Variants in CHN2 observed in about 807,000 individuals in gnomAD.
CHN2 encodes chimerin 2.
Under a neutral mutation model 56.3 loss-of-function variants are expected in CHN2, and 35 were observed. The observed-to-expected ratio is 0.62, with a 90% confidence interval of 0.47 to 0.82. The LOEUF (loss-of-function observed/expected upper bound fraction) is 0.82. Ranked by LOEUF, CHN2 falls within the 40% of genes least tolerant of loss-of-function variation. The pLI is 0.00. For missense variants in CHN2, 491 were observed against 580.5 expected (o/e 0.85, Z 1.58); for synonymous variants, 210 against 212.8 (o/e 0.99, Z 0.12).
chr7:29,510,678 A>G (rs1791207825), intron 12 of CHN2, among the ~76,000 whole-genome samples: 1 of 152,188 alleles, frequency 6.6e-6, no homozygotes, highest in African/African-American at 2.4e-5. Flanking sequence ...ACCCAATATG[A>G]GAGACAGTCT....
chr7:29,407,135 C>T (rs765153294), intron 6 of CHN2, among the ~76,000 whole-genome samples: 5 of 152,152 alleles, frequency 3.3e-5, no homozygotes, highest in African/African-American at 9.7e-5. Context: ...GCAGGGGAAT[C>T]GTGGAGACCA....
chr7:29,341,521 G>A (rs1797052238), intron 1 of CHN2, among the ~76,000 whole-genome samples: 1 of 151,960 alleles, frequency 6.6e-6, no homozygotes, highest in South Asian at 2.1e-4. Context: ...TGAAATCTGG[G>A]GAAGAGTTGC....
intron 7 of CHN2, among the ~76,000 whole-genome samples, chr7:29,486,809 T>C (rs62457799): frequency 0.21 from 31,357 of 152,040 alleles, 3,272 homozygotes; most frequent in East Asian, 0.27. Flanking sequence ...GCTAAGAATA[T>C]GTCCCCACGC....
chr7:29,297,588 G>A (rs964500239), intron 1 of CHN2, among the ~76,000 whole-genome samples: 1 of 152,144 alleles, frequency 6.6e-6, no homozygotes, highest in African/African-American at 2.4e-5. Flanking sequence ...TGGGGGGAGG[G>A]TAAGGACAGC....
intron 6 of CHN2, among the ~76,000 whole-genome samples, chr7:29,435,682 G>A (rs181761788): frequency 6.6e-6 from 1 of 152,222 alleles, no homozygotes; most frequent in East Asian, 1.9e-4. Flanking sequence ...GTCTGTCATT[G>A]ACCAGTCATT....
intron 12 of CHN2, among the ~76,000 whole-genome samples, chr7:29,511,821 A>T (rs1791461735): frequency 7.2e-6 from 1 of 138,266 alleles, no homozygotes; most frequent in African/African-American, 2.6e-5. Context: ...TGAAAACAAA[A>T]CTCTGGGAGA....
rs755985916 is a variant in CHN2 at position 29,507,251 on chromosome 7, G to C, written c.1015G>C (p.Ala339Pro). The C allele has an allele frequency of 2.5e-6, 4 of 1,608,994 alleles. No individual in the cohort carries two copies. In the African/African-American group the frequency reaches 4.0e-5, roughly 16 times the overall value. ...DRDGEKADIS[A>P]NVYPDINIIT... ...AGATGGTGAAAAGGCCGATATATCT[G>C]CCAATGTCTATCCAGACATAAACAT... Residue 339 changes from alanine (A) to proline (P), a missense_variant, in exon 11 of 13, where the codon GCC becomes CCC. By Grantham distance (27) the Ala-to-Pro change is conservative. Coordinates refer to ENST00000222792, the MANE Select transcript of CHN2 (RefSeq NM_004067.4).
intron 6 of CHN2, among the ~76,000 whole-genome samples, chr7:29,457,926 T>C (rs757995185): frequency 6.6e-6 from 1 of 152,226 alleles, no homozygotes; most frequent in Non-Finnish European, 1.5e-5. Context: ...CTCAGTGGCC[T>C]CTGTTTATGA....
intron 5 of CHN2, chr7:29,400,217 G>C: frequency 5.6e-6 from 2 of 360,142 alleles, no homozygotes; most frequent in Admixed American, 4.5e-5. Context: ...GAAGGATACT[G>C]ACAATGACCT....
chr7:29,276,992 A>G (rs1791278292), intron 1 of CHN2, among the ~76,000 whole-genome samples: 1 of 152,208 alleles, frequency 6.6e-6, no homozygotes, highest in Non-Finnish European at 1.5e-5. Context: ...CAGCTGATGA[A>G]GGTTGTGGCT....
chr7:29,179,891 CA>C (rs1263370156), intron 2 of CHN2, among the ~76,000 whole-genome samples: 1 of 152,054 alleles, frequency 6.6e-6, no homozygotes, highest in Non-Finnish European at 1.5e-5. Context: ...GTATTACAAA[CA>C]AAAAATCTGG....
At chr7:29,222,693 A>T (rs746754291) in intron 1 of CHN2, among the ~76,000 whole-genome samples, 3 of 152,220 alleles carry the variant, frequency 2.0e-5, no homozygotes, top group Non-Finnish European at 4.4e-5. Context: ...TGATTAATAG[A>T]TTCAATGCAA....
chr7:29,270,217 G>A (rs558387651), intron 1 of CHN2, among the ~76,000 whole-genome samples: 33 of 152,160 alleles, frequency 2.2e-4, no homozygotes, highest in African/African-American at 6.0e-4. Context: ...AACCTTGCTC[G>A]CTGGTAGTCT....
intron 12 of CHN2, among the ~76,000 whole-genome samples, chr7:29,510,390 G>A (rs571851225): frequency 6.6e-6 from 1 of 152,214 alleles, no homozygotes; most frequent in South Asian, 2.1e-4. Flanking sequence ...AGTGAGCGAA[G>A]ATGGCACCAC....
chr7:29,337,890 C>T (rs917257673), intron 1 of CHN2, among the ~76,000 whole-genome samples: 6 of 151,972 alleles, frequency 3.9e-5, no homozygotes, highest in Admixed American at 2.6e-4. Flanking sequence ...AAATATTTTC[C>T]CTGAAGTTAT....
At chr7:29,437,506 G>C (rs1783320987) in intron 6 of CHN2, among the ~76,000 whole-genome samples, 1 of 101,138 alleles carries the variant, frequency 9.9e-6, no homozygotes, top group Non-Finnish European at 2.0e-5. Flanking sequence ...GCTGAGGCAG[G>C]AGAATGGCAT....
At chr7:29,236,810 C>T (rs1305924851) in intron 1 of CHN2, among the ~76,000 whole-genome samples, 2 of 152,156 alleles carry the variant, frequency 1.3e-5, no homozygotes, top group Admixed American at 1.3e-4. Context: ...TGACCATATT[C>T]CTTGGCTCAT....
chr7:29,252,312 CCGAGTAG>C (rs1189679795), intron 1 of CHN2, among the ~76,000 whole-genome samples: 1 of 151,254 alleles, frequency 6.6e-6, no homozygotes, highest in East Asian at 2.0e-4. Flanking sequence ...CCTCAGCCTC[CCGAGTAG>C]CTGGGACTAC....
intron 6 of CHN2, among the ~76,000 whole-genome samples, chr7:29,412,977 A>G (rs916274776): frequency 1.3e-5 from 2 of 152,202 alleles, no homozygotes; most frequent in African/African-American, 4.8e-5. Flanking sequence ...GTTAATGGAA[A>G]TGAAACTGTC....
Sources: gnomAD v4.1 joint callset for allele counts (sites outside exome capture counted in the v4.1 genomes callset) on GRCh38, gnomAD v4.1.1 for gene constraint, MANE v1.5 for transcripts, NCBI Gene and HGNC (gene_info 2026-07-23, HGNC 2026-07-21) for gene names.